Variants in PTPRD observed in about 807,000 individuals in gnomAD.
PTPRD encodes the protein protein tyrosine phosphatase receptor type D.
PTPRD carries 34 observed loss-of-function variants against 214.5 expected under a neutral mutation model. The observed-to-expected ratio is 0.16, with a 90% confidence interval of 0.12 to 0.21. The LOEUF (loss-of-function observed/expected upper bound fraction) is 0.21, where lower values mean the gene tolerates loss of function less well. PTPRD is among the 10% of genes least tolerant of loss of function. The pLI is 1.00. For missense variants in PTPRD, 2,545 were observed against 2,398.7 expected (o/e 1.06, Z -1.27); for synonymous variants, 1,128 against 845.7 (o/e 1.33, Z -5.79).
At chr9:8,347,108 TA>T (rs2074060084) in intron 39 of PTPRD, among the ~76,000 whole-genome samples, 1 of 152,074 alleles carries the variant, frequency 6.6e-6, no homozygotes, top group Admixed American at 6.6e-5. Context: ...ACTACACTAA[TA>T]ATGTGCTGGT....
intron 5 of PTPRD, among the ~76,000 whole-genome samples, chr9:9,768,612 T>G (rs761452171): frequency 6.6e-6 from 1 of 152,150 alleles, no homozygotes; most frequent in Non-Finnish European, 1.5e-5. Flanking sequence ...GCATTTTAAA[T>G]TCTTCCTAAT....
At chr9:9,099,103 T>C (rs1211310771) in intron 10 of PTPRD, among the ~76,000 whole-genome samples, 1 of 152,146 alleles carries the variant, frequency 6.6e-6, no homozygotes, top group Non-Finnish European at 1.5e-5. Flanking sequence ...GAAAATAAAA[T>C]TGTGCATATG....
chr9:9,958,573 A>C (rs12351103), intron 4 of PTPRD, among the ~76,000 whole-genome samples: 34,244 of 152,026 alleles, frequency 0.23, 5,045 homozygotes, highest in African/African-American at 0.43. Context: ...AAAACAAAAG[A>C]CTTATGCTGT....
At chr9:8,844,161 T>C (rs1159295295) in intron 11 of PTPRD, among the ~76,000 whole-genome samples, 1 of 152,208 alleles carries the variant, frequency 6.6e-6, no homozygotes, top group African/African-American at 2.4e-5. Flanking sequence ...TTATTTCCCC[T>C]TTATCTACAT....
intron 14 of PTPRD, among the ~76,000 whole-genome samples, chr9:8,564,121 G>A (rs142842254): frequency 1.4e-3 from 219 of 151,814 alleles, no homozygotes; most frequent in African/African-American, 5.0e-3. Context: ...GTAACTGCCA[G>A]TCAGCCACAT....
At chr9:10,237,403 T>A (rs2154360329) in intron 3 of PTPRD, among the ~76,000 whole-genome samples, 1 of 152,048 alleles carries the variant, frequency 6.6e-6, no homozygotes, top group Admixed American at 6.6e-5. Context: ...CTGGTAGTTC[T>A]TCATTAACCC....
intron 8 of PTPRD, among the ~76,000 whole-genome samples, chr9:9,555,937 C>T (rs1452213906): frequency 1.3e-5 from 2 of 151,998 alleles, no homozygotes; most frequent in African/African-American, 4.8e-5. Context: ...CCTTTGCTTC[C>T]TTTTAAATTT....
chr9:8,531,372 T>C (rs917679767), intron 14 of PTPRD, among the ~76,000 whole-genome samples: 1 of 152,074 alleles, frequency 6.6e-6, no homozygotes, highest in Non-Finnish European at 1.5e-5. Flanking sequence ...GTTCTGATGT[T>C]GCTGGGGGGA....
At position 10,232,190 on chromosome 9, in the gene PTPRD, C is replaced by A. The variant is rs914149088; in HGVS notation, c.-545+108773G>T. The stretch of plus-strand genomic sequence containing the variant: ...GTGCCATGCCCCTTGAACTTCCCAG[C>A]CTGCAGGACCTTGAGCTAAATACAC... On this transcript the variant is annotated intron_variant, in intron 3 of 45. Coordinates refer to ENST00000381196, the MANE Select transcript of PTPRD (RefSeq NM_002839.4). 5.9e-5 allele frequency among the ~76,000 whole-genome samples: 9 copies of A among 151,784 alleles called. No individual in the cohort carries two copies. In the East Asian group the frequency reaches 1.8e-3, roughly 30 times the overall value.
intron 7 of PTPRD, among the ~76,000 whole-genome samples, chr9:9,674,937 G>C (rs928984137): frequency 3.3e-5 from 5 of 151,714 alleles, no homozygotes; most frequent in Admixed American, 6.6e-5. Context: ...AAAAAAAGTA[G>C]TTTAAGTATA....
At chr9:8,801,487 C>T (rs1342720633) in intron 11 of PTPRD, among the ~76,000 whole-genome samples, 3 of 152,110 alleles carry the variant, frequency 2.0e-5, no homozygotes, top group Admixed American at 1.3e-4. Flanking sequence ...GAGGCTGAGG[C>T]GGGCGGACCA....
intron 4 of PTPRD, among the ~76,000 whole-genome samples, chr9:10,014,635 C>T (rs2096664440): frequency 6.6e-6 from 1 of 151,610 alleles, no homozygotes. Context: ...TCATAAATGA[C>T]AAGAGGAAGC....
intron 12 of PTPRD, among the ~76,000 whole-genome samples, chr9:8,663,342 A>C (rs1000229019): frequency 2.7e-5 from 4 of 149,814 alleles, no homozygotes; most frequent in African/African-American, 7.4e-5. Context: ...AAAAGCTACT[A>C]TTAAGAAAAT....
chr9:9,213,504 G>A (rs1266226863), intron 9 of PTPRD, among the ~76,000 whole-genome samples: 1 of 143,518 alleles, frequency 7.0e-6, no homozygotes, highest in Non-Finnish European at 1.6e-5. Context: ...CAAATGCCCT[G>A]TTTTCCTGGT....
chr9:10,574,434 A>C lies in PTPRD; in HGVS notation c.-600+37964T>G, dbSNP rs2068500736. Among the ~76,000 whole-genome samples, 3 of 152,122 alleles carry C rather than the reference A, an allele frequency of 2.0e-5. No individual in the cohort carries two copies. In the South Asian group the frequency reaches 6.2e-4, roughly 32 times the overall value. Reference sequence around the variant, plus strand: ...TACTGTACTCTGAGGTAGTCGGTACAGGTATAATTCCAAATCTGTGACTAT... The same window carrying C: ...TACTGTACTCTGAGGTAGTCGGTACCGGTATAATTCCAAATCTGTGACTAT... On this transcript the variant is annotated intron_variant, in intron 2 of 45. Transcript: ENST00000381196.
intron 3 of PTPRD, among the ~76,000 whole-genome samples, chr9:10,253,222 G>A (rs918725954): frequency 6.6e-6 from 1 of 152,196 alleles, no homozygotes; most frequent in Non-Finnish European, 1.5e-5. Context: ...TCTGGCATAC[G>A]ATTATGAACA....
intron 14 of PTPRD, among the ~76,000 whole-genome samples, chr9:8,547,776 A>C (rs528329059): frequency 6.6e-6 from 1 of 152,340 alleles, no homozygotes; most frequent in South Asian, 2.1e-4. Flanking sequence ...ACAAAAATAC[A>C]TATATAATTA....
intron 10 of PTPRD, among the ~76,000 whole-genome samples, chr9:9,094,842 C>T (rs67339977): frequency 0.14 from 20,914 of 151,986 alleles, 1,683 homozygotes; most frequent in East Asian, 0.23. Context: ...AGCATTATCC[C>T]GACACCCAAA....
intron 8 of PTPRD, among the ~76,000 whole-genome samples, chr9:9,440,998 G>A (rs1173012596): frequency 4.6e-5 from 7 of 152,190 alleles, no homozygotes; most frequent in African/African-American, 1.7e-4. Context: ...TCAATCTACA[G>A]AAAGTTCCAG....
Sources: gnomAD v4.1 joint callset for allele counts (sites outside exome capture counted in the v4.1 genomes callset) on GRCh38, gnomAD v4.1.1 for gene constraint, MANE v1.5 for transcripts, NCBI Gene and HGNC (gene_info 2026-07-23, HGNC 2026-07-21) for gene names.